Variants in AKT3 observed in about 807,000 individuals in gnomAD.
The protein encoded by AKT3 is RAC-gamma serine/threonine-protein kinase.
In AKT3, 15 loss-of-function variants were observed where a neutral mutation model predicts 65.3. The observed-to-expected ratio is 0.23, with a 90% CI of 0.15 to 0.35. AKT3 has a LOEUF of 0.35. Among genes scored for constraint, AKT3 ranks in the 10% least tolerant of loss-of-function variants. The pLI is 1.00. For synonymous variants in AKT3, 206 were observed against 183.8 expected (o/e 1.12, Z -0.98); for missense variants, 243 against 576.5 (o/e 0.42, Z 5.92).
intron 5 of AKT3, among the ~76,000 whole-genome samples, chr1:243,644,624 A>T (rs936873986): frequency 3.9e-5 from 6 of 152,220 alleles, no homozygotes; most frequent in Non-Finnish European, 8.8e-5. Flanking sequence ...ACATAAAGAT[A>T]ATTAAACATA....
chr1:243,690,278 T>C (rs138209181), intron 3 of AKT3, among the ~76,000 whole-genome samples: 75 of 152,276 alleles, frequency 4.9e-4, no homozygotes, highest in African/African-American at 1.7e-3. Flanking sequence ...CTGAGCAAGC[T>C]AGTAAACTCA....
chr1:243,508,775 C>T (rs568193183), intron 13 of AKT3, among the ~76,000 whole-genome samples: 5 of 150,888 alleles, frequency 3.3e-5, no homozygotes, highest in Admixed American at 6.6e-5. Flanking sequence ...AAGCGATCCT[C>T]CTGCCTCAGC....
intron 2 of AKT3, among the ~76,000 whole-genome samples, chr1:243,697,979 GA>G (rs67430377): frequency 0.12 from 17,800 of 151,026 alleles, 1,433 homozygotes; most frequent in East Asian, 0.3. Flanking sequence ...AAAGAAAAAA[GA>G]AAAAAAAGTG....
In AKT3 at chr1:243,502,858, G is replaced by A. The variant is rs1459219786; in HGVS notation, c.*2391C>T. 8.6e-6 allele frequency: 2 copies of A among 233,090 alleles called. No individual in the cohort carries two copies. The highest frequency in any genetic ancestry group is 1.7e-5 in the Non-Finnish European group (2 of 118,032). 14.4% of individuals were successfully genotyped at this position (233,090 alleles called of 1,614,324 possible). On this transcript the variant is annotated 3_prime_UTR_variant, in exon 14 of 14. Coordinates refer to ENST00000673466, the MANE Select transcript of AKT3 (RefSeq NM_005465.7). ...ATCTTTAAGAAGTGTCCTTGGCCAA[G>A]GTCATGGGAATCACTTTAAGATTTG...
At chr1:243,798,806 C>A (rs963623218) in intron 2 of AKT3, among the ~76,000 whole-genome samples, 1 of 152,212 alleles carries the variant, frequency 6.6e-6, no homozygotes, top group Non-Finnish European at 1.5e-5. Context: ...CAACTCCACA[C>A]TGGCGAATAT....
chr1:243,668,658 T>A lies in AKT3; in HGVS notation c.173-3775A>T, dbSNP rs1005710467. ...TAACAGAGATCATGGTTGTGTATTT[T>A]CTCCCAGATATACCCAGATATATTC... On this transcript the variant is annotated intron_variant, in intron 3 of 13. Transcript: ENST00000673466. 2.0e-5 allele frequency among the ~76,000 whole-genome samples: 3 copies of A among 152,168 alleles called. No individual in the cohort carries two copies. In the South Asian group the frequency reaches 6.2e-4, roughly 31 times the overall value.
At position 243,752,873 on chromosome 1, in the gene AKT3, G is replaced by A. The variant is rs527449064; in HGVS notation, c.47-57157C>T. Among the ~76,000 whole-genome samples the A allele has an allele frequency of 9.0e-4, 137 of 152,298 alleles. 1 individual carries two copies. Among genetic ancestry groups the A allele is most frequent in the African/African-American group, 1.9e-3 (80 of 41,560 alleles). On this transcript the variant is annotated intron_variant, in intron 2 of 13. Coordinates refer to ENST00000673466, the MANE Select transcript of AKT3 (RefSeq NM_005465.7). ...GGCTCTTGGGATGAAAGTGTGGGGG[G>A]AAAGGAAGTTAAAGTTTTCATCCCT...
chr1:243,576,563 G>T (rs1030667008), intron 8 of AKT3, among the ~76,000 whole-genome samples: 1 of 152,100 alleles, frequency 6.6e-6, no homozygotes, highest in East Asian at 1.9e-4. Flanking sequence ...ATGTGCAAAA[G>T]TCATAAGCAT....
At chr1:243,664,580 G>C (rs1221230089) in intron 4 of AKT3, among the ~76,000 whole-genome samples, 192 bp downstream of exon 4, 2 of 151,930 alleles carry the variant, frequency 1.3e-5, no homozygotes, top group Admixed American at 1.3e-4. Context: ...AGCATGCCCA[G>C]AGGTTCTGAT....
In AKT3 at chr1:243,839,449, A is replaced by T. The variant is rs114431287; in HGVS notation, c.46+3676T>A. 5.1e-3 allele frequency among the ~76,000 whole-genome samples: 778 copies of T among 152,332 alleles called. 9 individuals carry two copies. The highest frequency in any genetic ancestry group is 0.018 in the African/African-American group (738 of 41,582). ...TCCATCAAGGAGGAAAACGCAGACA[A>T]TACTTTACTTGATGTTTGCTCCGTG... On this transcript the variant is annotated intron_variant, in intron 2 of 13. Transcript: ENST00000673466.
intron 3 of AKT3, among the ~76,000 whole-genome samples, chr1:243,691,641 A>C (rs1684698948): frequency 6.6e-6 from 1 of 152,212 alleles, no homozygotes; most frequent in Middle Eastern, 3.2e-3. Flanking sequence ...GAAAGGATCC[A>C]TGTTTTTGAT....
chr1:243,749,288 T>C (rs369626751), intron 2 of AKT3, among the ~76,000 whole-genome samples: 1 of 152,190 alleles, frequency 6.6e-6, no homozygotes, highest in South Asian at 2.1e-4. Context: ...TCTATCATAA[T>C]TCATGCAAAC....
intron 9 of AKT3, among the ~76,000 whole-genome samples, chr1:243,567,840 T>C (rs1159513349): frequency 2.0e-5 from 3 of 152,250 alleles, no homozygotes; most frequent in African/African-American, 7.2e-5. Context: ...ATACAATACA[T>C]GATAATTTTA....
chr1:243,807,542 G>A (rs966909132), intron 2 of AKT3, among the ~76,000 whole-genome samples: 6 of 152,194 alleles, frequency 3.9e-5, no homozygotes, highest in South Asian at 2.1e-4. Flanking sequence ...CGGGAAGCTC[G>A]AACTGGGTGG....
At chr1:243,794,097 T>C (rs1691799989) in intron 2 of AKT3, among the ~76,000 whole-genome samples, 1 of 152,218 alleles carries the variant, frequency 6.6e-6, no homozygotes, top group African/African-American at 2.4e-5. Context: ...AGCACGATCA[T>C]GGCTCAGCTC....
At chr1:243,511,367 T>A (rs900904979) in intron 13 of AKT3, among the ~76,000 whole-genome samples, 2 of 152,200 alleles carry the variant, frequency 1.3e-5, no homozygotes, top group African/African-American at 4.8e-5. Context: ...ACCCCTTGTT[T>A]GCCTCTCGAC....
chr1:243,575,656 A>T (rs1674887097), intron 8 of AKT3, among the ~76,000 whole-genome samples: 1 of 152,206 alleles, frequency 6.6e-6, no homozygotes, highest in African/African-American at 2.4e-5. Context: ...AGAGGGATTA[A>T]TCTGTGCTGG....
At chr1:243,779,673 A>T (rs1346007926) in intron 2 of AKT3, among the ~76,000 whole-genome samples, 1 of 152,158 alleles carries the variant, frequency 6.6e-6, no homozygotes, top group Non-Finnish European at 1.5e-5. Context: ...CTGCATGAAG[A>T]ACAAAGGTAA....
intron 4 of AKT3, among the ~76,000 whole-genome samples, chr1:243,654,357 T>C (rs1158747945): frequency 6.6e-6 from 1 of 152,232 alleles, no homozygotes; most frequent in Non-Finnish European, 1.5e-5. Context: ...CTTTTATTTA[T>C]TGGTTTATTT....
Sources: allele counts gnomAD v4.1 joint callset (sites outside exome capture counted in the v4.1 genomes callset), GRCh38; gene constraint gnomAD v4.1.1; transcripts MANE v1.5; gene names NCBI Gene and HGNC (gene_info 2026-07-23, HGNC 2026-07-21).